Variants in NTN1 observed in about 807,000 individuals in gnomAD.
NTN1 encodes the protein netrin-1.
NTN1 carries 11 observed loss-of-function variants against 54.2 expected under a neutral mutation model. The ratio of observed to expected loss-of-function variants is 0.20; its 90% confidence interval spans 0.13 to 0.34. The LOEUF (loss-of-function observed/expected upper bound fraction) is 0.34. Ranked by LOEUF, NTN1 falls within the 10% of genes least tolerant of loss-of-function variation. NTN1 has a pLI of 1.00. For synonymous variants in NTN1, 371 were observed against 382.0 expected (o/e 0.97, Z 0.33); for missense variants, 740 against 893.1 (o/e 0.83, Z 2.18).
At chr17:9,020,035 C>T (rs555262244), upstream of NTN1, among the ~76,000 whole-genome samples, 6 of 152,326 alleles carry the variant, frequency 3.9e-5, no homozygotes, top group East Asian at 1.2e-3. Flanking sequence ...TGGTGAGCTC[C>T]CATCCCTGGA....
intron 2 of NTN1, among the ~76,000 whole-genome samples, chr17:9,084,317 C>G (rs1436652658): frequency 1.8e-4 from 27 of 152,052 alleles, no homozygotes; most frequent in Non-Finnish European, 2.9e-5. Flanking sequence ...CTGGGGATAG[C>G]CAGAGAAAAA....
chr17:9,115,665 C>T (rs1008253652), intron 2 of NTN1, among the ~76,000 whole-genome samples: 2 of 152,274 alleles, frequency 1.3e-5, no homozygotes, highest in Non-Finnish European at 2.9e-5. Context: ...TGTGCCCTGA[C>T]TCATCCTTCC....
At chr17:9,089,978 C>T (rs746251458) in intron 2 of NTN1, among the ~76,000 whole-genome samples, 4 of 152,024 alleles carry the variant, frequency 2.6e-5, no homozygotes, top group Non-Finnish European at 4.4e-5. Context: ...CCCAGAAGTC[C>T]TGAAGCCCAC....
rs1441504292 is a variant in NTN1, at chr17:9,212,148, T to TG, written c.1412-9015dup. ...ACTAGTACAGGCTTAGAGAGATGGGTGGGGGCTAGAGATCTGCCTGTGGGC... is the reference window on the plus strand; with the variant it reads ...ACTAGTACAGGCTTAGAGAGATGGGTGGGGGGCTAGAGATCTGCCTGTGGGC... On this transcript the variant is annotated intron_variant, in intron 5 of 6. Transcript: ENST00000173229. The surrounding 1 kb of genome is among the most constrained non-coding windows in gnomAD (Gnocchi z 5.5). Among the ~76,000 whole-genome samples, 1 of 152,032 alleles carries TG rather than the reference T, an allele frequency of 6.6e-6. No homozygotes were observed.
rs562092235 is a variant in NTN1, at chr17:9,112,780, C to T, written c.1019-50033C>T. Among the ~76,000 whole-genome samples, 401 of 133,838 alleles carry T rather than the reference C, an allele frequency of 3.0e-3. 3 individuals carry two copies. The Middle Eastern group carries it at 0.031, about 10-fold the overall frequency. The allele number at this position is 133,838 out of a possible 152,430, so 87.8% of individuals were successfully genotyped here. On this transcript the variant is annotated intron_variant, in intron 2 of 6. Transcript: ENST00000173229. ...GGTGGAGCCTGCAGTGAGCCGAGATCGCGCCACTGCACTCCAGCCTGGGTG... is the reference window on the plus strand; with the variant it reads ...GGTGGAGCCTGCAGTGAGCCGAGATTGCGCCACTGCACTCCAGCCTGGGTG...
chr17:9,038,219 C>G (rs1351280034), intron 2 of NTN1, among the ~76,000 whole-genome samples: 1 of 115,062 alleles, frequency 8.7e-6, no homozygotes, highest in African/African-American at 3.8e-5. Context: ...CTCTCTCTCT[C>G]TGTGTCTCTC....
chr17:9,168,471 G>T (rs1379606890), intron 3 of NTN1, among the ~76,000 whole-genome samples: 2 of 152,166 alleles, frequency 1.3e-5, no homozygotes, highest in African/African-American at 2.4e-5. Context: ...GGCAGAGGTT[G>T]CAGTGAGCCG....
At position 9,243,727 on chromosome 17, in the gene NTN1, G is replaced by C. The variant is rs1173658668; in HGVS notation, c.*3759G>C. ...TCCCTCTGCCCCCTCCTGTGTTTTG[G>C]ATTTCTGTTCACTCAGAATTGTAAA... is the stretch of plus-strand genomic sequence containing the variant. On this transcript the variant is annotated 3_prime_UTR_variant, in exon 7 of 7. Transcript: ENST00000173229. 1 of 152,138 alleles carries C rather than the reference G, an allele frequency of 6.6e-6. No individual in the cohort carries two copies. Among genetic ancestry groups the C allele is most frequent in the Non-Finnish European group, 1.5e-5 (1 of 68,064 alleles). The allele number at this position is 152,138 out of a possible 1,614,324, so 9.4% of individuals were successfully genotyped here. A position where few individuals can be genotyped will look rare whatever the true frequency, so the allele number is the denominator to read the frequency against.
At chr17:9,102,271 C>T (rs1009299714) in intron 2 of NTN1, among the ~76,000 whole-genome samples, 1 of 152,182 alleles carries the variant, frequency 6.6e-6, no homozygotes, top group African/African-American at 2.4e-5. Context: ...ACTCACAGTT[C>T]AGCATGGCTG....
chr17:9,051,794 T>G (rs2091961123), intron 2 of NTN1, among the ~76,000 whole-genome samples: 4 of 152,168 alleles, frequency 2.6e-5, no homozygotes. Context: ...TTGTTCATCC[T>G]GTCTAACTGA....
At chr17:9,091,852 C>T (rs575862953) in intron 2 of NTN1, among the ~76,000 whole-genome samples, 68 of 152,260 alleles carry the variant, frequency 4.5e-4, no homozygotes, top group Middle Eastern at 6.8e-3. Flanking sequence ...AATTGAAACT[C>T]TATACCCCTG....
At chr17:9,161,175 C>A (rs1173267539) in intron 2 of NTN1, among the ~76,000 whole-genome samples, 1 of 152,130 alleles carries the variant, frequency 6.6e-6, no homozygotes, top group African/African-American at 2.4e-5. Context: ...ATGCTGGGTG[C>A]CCACGCCAGG....
chr17:9,191,865 T>TAA (rs60675960), intron 5 of NTN1, among the ~76,000 whole-genome samples: 2,537 of 89,090 alleles, frequency 0.028, 163 homozygotes, highest in African/African-American at 0.063. Context: ...TTATCGCTAC[T>TAA]AAAAAAAAAA....
intron 2 of NTN1, among the ~76,000 whole-genome samples, chr17:9,101,335 G>A (rs558437472): frequency 1.3e-5 from 2 of 152,322 alleles, no homozygotes; most frequent in South Asian, 2.1e-4. Flanking sequence ...AAGACCAGAC[G>A]TGGGTTACTC....
intron 2 of NTN1, among the ~76,000 whole-genome samples, chr17:9,083,192 A>G (rs1010759496): frequency 1.3e-5 from 2 of 151,874 alleles, no homozygotes; most frequent in African/African-American, 4.8e-5. Context: ...TCCGCCTCCC[A>G]GGTTTAAGTG....
intron 2 of NTN1, among the ~76,000 whole-genome samples, chr17:9,143,041 G>A (rs2092302827): frequency 6.6e-6 from 1 of 152,214 alleles, no homozygotes; most frequent in East Asian, 1.9e-4. Context: ...TCGCTGGGAA[G>A]TGACAAATGG....
At position 9,240,270 on chromosome 17, in the gene NTN1, C is replaced by T. The variant is rs1204999471; in HGVS notation, c.*302C>T. On this transcript the variant is annotated 3_prime_UTR_variant, in exon 7 of 7. Coordinates refer to ENST00000173229, the MANE Select transcript of NTN1 (RefSeq NM_004822.3). ...TCCTTCCAGAGCAGAGACGCGCTTCCCTGGGCCTGGGCGCGGCCGCCGTGG... is the reference window on the plus strand; with the variant it reads ...TCCTTCCAGAGCAGAGACGCGCTTCTCTGGGCCTGGGCGCGGCCGCCGTGG... The T allele has an allele frequency of 2.0e-5, 3 of 152,922 alleles. No individual in the cohort carries two copies. Among genetic ancestry groups the T allele is most frequent in the African/African-American group, 7.2e-5 (3 of 41,416 alleles). The allele number at this position is 152,922 out of a possible 1,614,324, so 9.5% of individuals were successfully genotyped here.
At chr17:9,145,787 A>G (rs1183463696) in intron 2 of NTN1, among the ~76,000 whole-genome samples, 1 of 152,008 alleles carries the variant, frequency 6.6e-6, no homozygotes, top group Admixed American at 6.6e-5. Context: ...GCGTGGTGGC[A>G]GGCACCTGTA....
At chr17:9,024,556 G>A (rs575204950) in intron 2 of NTN1, among the ~76,000 whole-genome samples, 6 of 152,324 alleles carry the variant, frequency 3.9e-5, no homozygotes, top group Admixed American at 1.3e-4. Context: ...ACAAACACAC[G>A]TTTTGAGGTC....
Sources: gnomAD v4.1 joint callset for allele counts (sites outside exome capture counted in the v4.1 genomes callset) on GRCh38, gnomAD v4.1.1 for gene constraint, Gnocchi (gnomAD v3.1) non-coding constraint, MANE v1.5 for transcripts, NCBI Gene and HGNC (gene_info 2026-07-23, HGNC 2026-07-21) for gene names.